Variants in TSPEAR observed in about 807,000 individuals in gnomAD.
TSPEAR encodes thrombospondin type laminin G domain and EAR repeats.
In TSPEAR, 69 loss-of-function variants were observed where a neutral mutation model predicts 71.6. The observed-to-expected ratio is 0.96, with a 90% CI of 0.79 to 1.18. TSPEAR has a LOEUF of 1.18. Among genes scored for constraint, TSPEAR ranks in the 50% most tolerant of loss-of-function variants. The probability of loss-of-function intolerance (pLI) is 0.00; values close to 1 mark genes in which losing one functional copy is unlikely to be tolerated. For synonymous variants in TSPEAR, 402 were observed against 387.2 expected, an observed-to-expected ratio of 1.04 and a Z score of -0.45; for missense variants, 971 against 894.9, an observed-to-expected ratio of 1.09 and a Z score of -1.09.
intron 2 of TSPEAR, among the ~76,000 whole-genome samples, chr21:44,545,317 CA>C (rs57340332): frequency 1.9e-4 from 25 of 131,260 alleles, no homozygotes; most frequent in South Asian, 1.7e-3. Context: ...GACTCTGTCT[CA>C]AAAAAAAAAT....
chr21:44,575,878 G>C (rs587677987), intron 1 of TSPEAR, among the ~76,000 whole-genome samples: 35 of 152,098 alleles, frequency 2.3e-4, no homozygotes, highest in African/African-American at 7.7e-4. Context: ...CGACCCTCCG[G>C]CCTCTCTAAG....
intron 1 of TSPEAR, among the ~76,000 whole-genome samples, chr21:44,705,596 T>C (rs778127485): frequency 2.0e-4 from 30 of 152,354 alleles, no homozygotes; most frequent in Non-Finnish European, 3.5e-4. Flanking sequence ...CTGTCTCTTA[T>C]GGTTGAGACT....
rs1464407587 is a variant in TSPEAR, at chr21:44,710,617, G to T, written c.82+816C>A. ...AACCAGAAGCGCAAGCCATCTCCTC[G>T]CCTCCCCTGATAGCCGTGCTGCGGA... On this transcript the variant is annotated intron_variant, in intron 1 of 11. Coordinates refer to ENST00000323084, the MANE Select transcript of TSPEAR (RefSeq NM_144991.3). The surrounding 1 kb of genome is among the most constrained non-coding windows in gnomAD (Gnocchi z 4.6). Among the ~76,000 whole-genome samples, 2 of 152,302 alleles carry T rather than the reference G, an allele frequency of 1.3e-5. No homozygotes were observed. The highest frequency in any genetic ancestry group is 3.9e-4 in the East Asian group (2 of 5,186).
intron 1 of TSPEAR, among the ~76,000 whole-genome samples, chr21:44,606,804 C>G (rs1981344029): frequency 6.6e-6 from 1 of 152,142 alleles, no homozygotes; most frequent in Non-Finnish European, 1.5e-5. Context: ...TGTCTAGAAT[C>G]TAAAACTGTC....
rs186034249 is a variant in TSPEAR, at chr21:44,642,450, T to C, written c.82+68983A>G. Reference sequence around the variant, plus strand: ...GAGATAGGACTGTAGACCAACATCATTTAAAAAAATAATGTAAGAGATTGT... The same window carrying C: ...GAGATAGGACTGTAGACCAACATCACTTAAAAAAATAATGTAAGAGATTGT... On this transcript the variant is annotated intron_variant, in intron 1 of 11. Transcript: ENST00000323084. The surrounding 1 kb of genome is among the most constrained non-coding windows in gnomAD (Gnocchi z 4.1). 4.6e-5 allele frequency among the ~76,000 whole-genome samples: 7 copies of C among 152,208 alleles called. No homozygotes were observed. Among genetic ancestry groups the C allele is most frequent in the Admixed American group, 2.6e-4 (4 of 15,284 alleles).
intron 11 of TSPEAR, among the ~76,000 whole-genome samples, chr21:44,503,241 C>A (rs2052085362): frequency 7.4e-6 from 1 of 135,214 alleles, no homozygotes; most frequent in Non-Finnish European, 1.6e-5. Context: ...CCTTGGTGAG[C>A]CCACGGGGGG....
chr21:44,630,687 G>GGGAAGTGAAGGGGAAGGCA (rs367651265), intron 1 of TSPEAR, among the ~76,000 whole-genome samples: 9 of 120,174 alleles, frequency 7.5e-5, no homozygotes, highest in African/African-American at 3.1e-4. Flanking sequence ...GGAAGTGAAG[G>GGGAAGTGAAGGGGAAGGCA]GGAAGTGAAG....
At chr21:44,617,232 G>C (rs369170004) in intron 1 of TSPEAR, among the ~76,000 whole-genome samples, 11 of 152,352 alleles carry the variant, frequency 7.2e-5, no homozygotes, top group African/African-American at 2.4e-4. Flanking sequence ...GACATGGGGG[G>C]ACACTTGGGC....
At chr21:44,568,188 G>C (rs1569190629) in intron 1 of TSPEAR, among the ~76,000 whole-genome samples, 183 bp from the exon 2 acceptor site, 1 of 152,184 alleles carries the variant, frequency 6.6e-6, no homozygotes, top group Non-Finnish European at 1.5e-5. Flanking sequence ...CATGAGGTGT[G>C]CCCGTGTGGC....
chr21:44,615,126 C>T (rs1226067421), intron 1 of TSPEAR, among the ~76,000 whole-genome samples: 6 of 152,150 alleles, frequency 3.9e-5, no homozygotes, highest in African/African-American at 1.2e-4. Flanking sequence ...TCCTGGACTC[C>T]GCCATGGGCA....
At chr21:44,512,336 T>TGGGGG (rs375240506) in intron 9 of TSPEAR, among the ~76,000 whole-genome samples, 5 of 43,246 alleles carry the variant, frequency 1.2e-4, no homozygotes, top group African/African-American at 4.0e-4. Flanking sequence ...CCAAGTGCTG[T>TGGGGG]GGGGGTGGGG....
chr21:44,625,927 A>C (rs1157996655), intron 1 of TSPEAR, among the ~76,000 whole-genome samples: 1 of 152,208 alleles, frequency 6.6e-6, no homozygotes, highest in African/African-American at 2.4e-5. Context: ...CCCTGCCTCC[A>C]CAGCCTCCTT....
At chr21:44,705,133 G>A (rs1238112151) in intron 1 of TSPEAR, among the ~76,000 whole-genome samples, 1 of 152,330 alleles carries the variant, frequency 6.6e-6, no homozygotes, top group South Asian at 2.1e-4. Flanking sequence ...TAATACTTTT[G>A]TAATTTCTTA....
Position 44,642,487 on chromosome 21 carries a change from A to G in TSPEAR, c.82+68946T>C, listed in dbSNP as rs1023496627. 1.4e-4 allele frequency among the ~76,000 whole-genome samples: 22 copies of G among 152,252 alleles called. No individual in the cohort carries two copies. Among genetic ancestry groups the G allele is most frequent in the African/African-American group, 5.3e-4 (22 of 41,468 alleles). ...ATGTAAGAGATTGTATGAACCTACA[A>G]TAACAGAAAACTAAGCCACTATGTA... On this transcript the variant is annotated intron_variant, in intron 1 of 11. Coordinates refer to ENST00000323084, the MANE Select transcript of TSPEAR (RefSeq NM_144991.3). The surrounding 1 kb of genome is among the most constrained non-coding windows in gnomAD (Gnocchi z 4.1).
chr21:44,673,844 A>G (rs1472376933), intron 1 of TSPEAR, among the ~76,000 whole-genome samples: 6 of 152,180 alleles, frequency 3.9e-5, no homozygotes, highest in African/African-American at 1.4e-4. Context: ...AAATTGAACA[A>G]CATGTTCCTA....
At position 44,551,330 on chromosome 21, in the gene TSPEAR, C is replaced by T. The variant is rs587610872; in HGVS notation, c.303+16455G>A. On this transcript the variant is annotated intron_variant, in intron 2 of 11. Coordinates refer to ENST00000323084, the MANE Select transcript of TSPEAR (RefSeq NM_144991.3). ...AGCTCACTGGGGTGCAGACCAGGGT[C>T]AGGCAGGGGGCTGGGGCACAGCAGC... is the stretch of plus-strand genomic sequence containing the variant. 442 of 1,613,212 alleles carry T rather than the reference C, an allele frequency of 2.7e-4. 2 individuals are homozygous for T. The East Asian group carries it at 9.8e-3, about 36-fold the overall frequency.
chr21:44,575,233 C>G lies in TSPEAR; in HGVS notation c.83-7228G>C, dbSNP rs9980367. 2.3e-3 allele frequency: 1,381 copies of G among 598,206 alleles called. 13 individuals carry two copies. In the African/African-American group the frequency reaches 0.023, roughly 10 times the overall value. The allele number at this position is 598,206 out of a possible 1,614,324, so 37.1% of individuals were successfully genotyped here. A position where few individuals can be genotyped will look rare whatever the true frequency, so the allele number is the denominator to read the frequency against. On this transcript the variant is annotated intron_variant, in intron 1 of 11. Coordinates refer to ENST00000323084, the MANE Select transcript of TSPEAR (RefSeq NM_144991.3). ...AAAGTTCCCATGGCAGTGGCCTCCC[C>G]TCCATATCTCCCACCTCTCATGAGG... is the stretch of plus-strand genomic sequence containing the variant.
chr21:44,552,813 C>T (rs782580528), intron 2 of TSPEAR, among the ~76,000 whole-genome samples: 6 of 152,310 alleles, frequency 3.9e-5, no homozygotes, highest in East Asian at 3.9e-4. Context: ...GCCTCCAGCA[C>T]GTGCCAGTCA....
intron 1 of TSPEAR, chr21:44,646,992 C>CT: frequency 6.2e-7 from 1 of 1,613,884 alleles, no homozygotes; most frequent in Non-Finnish European, 8.5e-7. Context: ...AGCCAGCTTG[C>CT]TGCACCTCCT....
Sources: gnomAD v4.1 joint callset for allele counts (sites outside exome capture counted in the v4.1 genomes callset) on GRCh38, gnomAD v4.1.1 for gene constraint, Gnocchi (gnomAD v3.1) non-coding constraint, MANE v1.5 for transcripts, NCBI Gene and HGNC (gene_info 2026-07-23, HGNC 2026-07-21) for gene names.